ROBO2: variants seen among roughly 807,000 people sequenced by gnomAD.
ROBO2 encodes roundabout homolog 2.
A neutral mutation model predicts 160.8 loss-of-function variants in ROBO2; 53 were observed. The observed-to-expected ratio is 0.33, with a 90% CI of 0.26 to 0.41. The LOEUF (loss-of-function observed/expected upper bound fraction) is 0.41, where lower values mean the gene tolerates loss of function less well. Among genes scored for constraint, ROBO2 ranks in the 10% least tolerant of loss-of-function variants. ROBO2 has a pLI of 1.00. For missense variants in ROBO2, 1,577 were observed against 1,722.4 expected (o/e 0.92, Z 1.49); for synonymous variants, 664 against 611.7 (o/e 1.09, Z -1.26).
chr3:76,919,091 A>G (rs1324982281), intron 2 of ROBO2, among the ~76,000 whole-genome samples: 1 of 152,034 alleles, frequency 6.6e-6, no homozygotes, highest in South Asian at 2.1e-4. Context: ...AGATGGCGCA[A>G]TGCCTAGGTG....
At chr3:76,800,216 C>T (rs1361738686) in intron 2 of ROBO2, among the ~76,000 whole-genome samples, 1 of 152,094 alleles carries the variant, frequency 6.6e-6, no homozygotes, top group Non-Finnish European at 1.5e-5. Context: ...ATACAAAAAT[C>T]TAATCAAAAT....
At chr3:76,266,580 T>A (rs971462640) in intron 2 of ROBO2, among the ~76,000 whole-genome samples, 1 of 152,160 alleles carries the variant, frequency 6.6e-6, no homozygotes, top group East Asian at 1.9e-4. Context: ...AGAGTCTACA[T>A]CCAAGATTAT....
At chr3:76,978,190 T>C (rs1200080396) in intron 2 of ROBO2, among the ~76,000 whole-genome samples, 1 of 152,190 alleles carries the variant, frequency 6.6e-6, no homozygotes, top group African/African-American at 2.4e-5. Context: ...AGAACCTACT[T>C]CAAGGTGGTG....
intron 2 of ROBO2, among the ~76,000 whole-genome samples, chr3:77,003,848 A>T (rs888655573): frequency 6.6e-6 from 1 of 152,082 alleles, no homozygotes; most frequent in African/African-American, 2.4e-5. Context: ...CCCAGCCGAC[A>T]TGGAGGTTCT....
At chr3:77,375,338 T>A (rs2072481329) in intron 2 of ROBO2, among the ~76,000 whole-genome samples, 1 of 152,262 alleles carries the variant, frequency 6.6e-6, no homozygotes, top group Admixed American at 6.5e-5. Flanking sequence ...CATTTATTTT[T>A]TCTGTCGTAT....
intron 2 of ROBO2, among the ~76,000 whole-genome samples, chr3:76,919,325 A>G (rs1336326268): frequency 6.6e-6 from 1 of 152,190 alleles, no homozygotes; most frequent in Non-Finnish European, 1.5e-5. Flanking sequence ...GAAATTTTTA[A>G]GAATATTTAT....
chr3:76,119,167 C>T (rs909066323), intron 2 of ROBO2, among the ~76,000 whole-genome samples: 4 of 152,068 alleles, frequency 2.6e-5, no homozygotes. Flanking sequence ...TGTTTTTATT[C>T]ATGAATAAAT....
At chr3:76,246,115 T>A (rs1423103354) in intron 2 of ROBO2, among the ~76,000 whole-genome samples, 2 of 151,786 alleles carry the variant, frequency 1.3e-5, no homozygotes, top group African/African-American at 2.4e-5. Flanking sequence ...TGTATTTTGT[T>A]AGTGAAGAAG....
Position 77,644,686 on chromosome 3 carries a change from G to T in ROBO2, c.3935-18G>T, listed in dbSNP as rs779750511. The T allele has an allele frequency of 3.1e-6, 5 of 1,611,866 alleles. No individual in the cohort carries two copies. The South Asian group carries it at 4.4e-5, about 14-fold the overall frequency. On this transcript the variant is annotated intron_variant, in intron 24 of 25. Transcript: ENST00000461745. ...TGTTTCTGTTCAATTTAGCCTTTGG[G>T]TTTTTTTTCTTTTTCAGAGGAGGCC...
intron 5 of ROBO2, among the ~76,000 whole-genome samples, chr3:77,522,400 T>C (rs2090694777): frequency 6.6e-6 from 1 of 151,204 alleles, no homozygotes; most frequent in Admixed American, 6.6e-5. Flanking sequence ...AATCATAGTA[T>C]TGAACACAAT....
chr3:77,024,209 A>T (rs2149519647), intron 2 of ROBO2, among the ~76,000 whole-genome samples: 1 of 152,318 alleles, frequency 6.6e-6, no homozygotes, highest in Non-Finnish European at 1.5e-5. Context: ...ATGTGTGAAC[A>T]TTTCAGCATA....
At chr3:77,363,030 A>G (rs2070282685) in intron 2 of ROBO2, among the ~76,000 whole-genome samples, 2 of 152,164 alleles carry the variant, frequency 1.3e-5, no homozygotes, top group Admixed American at 1.3e-4. Flanking sequence ...CAGTCAAACC[A>G]TATCAAACAG....
intron 2 of ROBO2, among the ~76,000 whole-genome samples, chr3:77,243,432 G>T (rs1177231485): frequency 6.6e-6 from 1 of 152,194 alleles, no homozygotes; most frequent in African/African-American, 2.4e-5. Context: ...ACCCTGATCT[G>T]GAGGGAGGAG....
intron 2 of ROBO2, among the ~76,000 whole-genome samples, chr3:76,583,016 A>C (rs2085800257): frequency 6.6e-6 from 1 of 151,986 alleles, no homozygotes; most frequent in South Asian, 2.1e-4. Context: ...GTTTAAAAAA[A>C]AAAAAAAAGC....
chr3:75,950,827 A>C (rs1218954125), intron 2 of ROBO2, among the ~76,000 whole-genome samples: 1 of 151,980 alleles, frequency 6.6e-6, no homozygotes, highest in Non-Finnish European at 1.5e-5. Context: ...GTGTGAGTGC[A>C]CCTGCAATGC....
chr3:77,295,846 G>T (rs1390914764), intron 2 of ROBO2, among the ~76,000 whole-genome samples: 1 of 150,230 alleles, frequency 6.7e-6, no homozygotes, highest in Non-Finnish European at 1.5e-5. Context: ...CGGGTAAACG[G>T]GTAAGCTGAG....
chr3:76,848,093 A>G (rs1413071988), intron 2 of ROBO2, among the ~76,000 whole-genome samples: 2 of 152,154 alleles, frequency 1.3e-5, no homozygotes, highest in Non-Finnish European at 2.9e-5. Context: ...GTAGAAAAAA[A>G]CACCTCATCT....
At chr3:76,051,221 T>C (rs1273429384) in intron 2 of ROBO2, among the ~76,000 whole-genome samples, 1 of 151,390 alleles carries the variant, frequency 6.6e-6, no homozygotes, top group Non-Finnish European at 1.5e-5. Flanking sequence ...AAATACATTT[T>C]CTTCGTGTCT....
intron 1 of ROBO2, among the ~76,000 whole-genome samples, chr3:77,078,940 TATTG>T (rs1188647576): frequency 6.6e-6 from 1 of 152,146 alleles, no homozygotes; most frequent in Non-Finnish European, 1.5e-5. Flanking sequence ...TTAATTATTT[TATTG>T]ATTGATTGAT....
Sources: gnomAD v4.1 joint callset for allele counts (sites outside exome capture counted in the v4.1 genomes callset) on GRCh38, gnomAD v4.1.1 for gene constraint, MANE v1.5 for transcripts, NCBI Gene and HGNC (gene_info 2026-07-23, HGNC 2026-07-21) for gene names.